PLEKHG4B: variants seen among roughly 807,000 people sequenced by gnomAD.
The protein encoded by PLEKHG4B is pleckstrin homology and RhoGEF domain containing G4B, also known as pleckstrin homology domain-containing family G member 4B.
Under a neutral mutation model 121.3 loss-of-function variants are expected in PLEKHG4B, and 111 were observed. The observed-to-expected ratio is 0.92, with a 90% CI of 0.78 to 1.07. The LOEUF (loss-of-function observed/expected upper bound fraction) is 1.07, where lower values mean the gene tolerates loss of function less well. Among genes scored for constraint, PLEKHG4B ranks in the 50% least tolerant of loss-of-function variants. The pLI is 0.00. For missense variants in PLEKHG4B, 1,831 were observed against 1,757.8 expected, an observed-to-expected ratio of 1.04 and a Z score of -0.74; for synonymous variants, 738 against 725.0, an observed-to-expected ratio of 1.02 and a Z score of -0.29.
At chr5:102,786 A>G (rs535743514) in intron 1 of PLEKHG4B, among the ~76,000 whole-genome samples, 10 of 152,320 alleles carry the variant, frequency 6.6e-5, no homozygotes, top group Admixed American at 2.0e-4. Context: ...TAACACTAGC[A>G]CTAACACTCC....
At chr5:147,117 C>T (rs753623896) in intron 6 of PLEKHG4B, among the ~76,000 whole-genome samples, 1 of 152,130 alleles carries the variant, frequency 6.6e-6, no homozygotes, top group Non-Finnish European at 1.5e-5. Flanking sequence ...TGAGGTGACT[C>T]CCTGAGGTCA....
rs554412594 is a variant in PLEKHG4B, at chr5:172,541, G to T, written c.4051-356G>T. 3.5e-4 allele frequency among the ~76,000 whole-genome samples: 53 copies of T among 152,268 alleles called. No homozygotes were observed. In the South Asian group the frequency reaches 0.011, roughly 31 times the overall value. On this transcript the variant is annotated intron_variant, in intron 16 of 19. Coordinates refer to ENST00000637938, the MANE Select transcript of PLEKHG4B (RefSeq NM_052909.5). ...AGAAAGTTCCATAAATCGCAACAAG[G>T]TTTACCTTGTGATCTCTGCACGTAT...
intron 2 of PLEKHG4B, among the ~76,000 whole-genome samples, chr5:119,667 G>A (rs558232463): frequency 1.2e-4 from 18 of 152,292 alleles, no homozygotes; most frequent in East Asian, 5.8e-4. Context: ...AGACAGTGCC[G>A]TCCTAAATGA....
chr5:182,354 G>A lies in PLEKHG4B; in HGVS notation c.*31G>A. On this transcript the variant is annotated 3_prime_UTR_variant, in exon 20 of 20. Transcript: ENST00000637938. Reference sequence around the variant, plus strand: ...GTCAGGGTGGCAGTGCCCATCATGTGGCTAGAACAATACAGAGGGAGCAGC... The same window carrying A: ...GTCAGGGTGGCAGTGCCCATCATGTAGCTAGAACAATACAGAGGGAGCAGC... 1 of 1,554,076 alleles carries A rather than the reference G, an allele frequency of 6.4e-7. No homozygotes were observed. Among genetic ancestry groups the A allele is most frequent in the Non-Finnish European group, 8.7e-7 (1 of 1,152,638 alleles).
intron 18 of PLEKHG4B, among the ~76,000 whole-genome samples, chr5:177,626 G>T (rs887956424): frequency 1.5e-4 from 23 of 152,214 alleles, no homozygotes; most frequent in African/African-American, 4.6e-4. Context: ...GCAAGTTTCA[G>T]AGCAGGAGTG....
At chr5:181,944 G>A (rs375258024) in intron 19 of PLEKHG4B, 60 bp from the exon 20 acceptor site, 72 of 1,552,594 alleles carry the variant, frequency 4.6e-5, no homozygotes, top group African/African-American at 3.4e-4. Context: ...TCCCATTCCC[G>A]AACCTGGGCT....
chr5:162,954 C>T lies in PLEKHG4B; in HGVS notation c.2882C>T (p.Ala961Val), dbSNP rs940795391. 1.3e-6 allele frequency: 2 copies of T among 1,558,050 alleles called. No homozygotes were observed. Among genetic ancestry groups the T allele is most frequent in the African/African-American group, 2.7e-5 (2 of 73,452 alleles). ...RLRLEEALSE[A>V]APDPSLPPLA... ...CGTCTGGAAGAGGCCCTTTCTGAGG[C>T]TGCCCCAGACCCCAGCTTACCGCCC... Residue 961 changes from alanine (A) to valine (V), a missense_variant, in exon 13 of 20, where the codon GCT (alanine) becomes GTT (valine). Ala to Val is a moderately conservative substitution (Grantham distance 64). Coordinates refer to ENST00000637938, the MANE Select transcript of PLEKHG4B (RefSeq NM_052909.5).
At chr5:100,764 A>G (rs4087021) in intron 1 of PLEKHG4B, among the ~76,000 whole-genome samples, 1 of 102,198 alleles carries the variant, frequency 9.8e-6, no homozygotes, top group African/African-American at 5.5e-5. Flanking sequence ...AAGCCCTGGA[A>G]AAAGCCTGTA....
intron 6 of PLEKHG4B, among the ~76,000 whole-genome samples, chr5:147,542 C>G (rs1315332571): frequency 1.3e-5 from 2 of 152,230 alleles, no homozygotes; most frequent in African/African-American, 2.4e-5. Flanking sequence ...AAAAAGAATA[C>G]ATATGCTTAT....
chr5:133,892 T>A, intron 2 of PLEKHG4B, among the ~76,000 whole-genome samples: 1 of 141,588 alleles, frequency 7.1e-6, no homozygotes, highest in East Asian at 2.0e-4. Context: ...TGCCCACCAA[T>A]CGAGTGGATA....
Position 162,904 on chromosome 5 carries a change from G to T in PLEKHG4B, c.2832G>T (p.Trp944Cys), listed in dbSNP as rs746023035. The T allele has an allele frequency of 1.3e-6, 2 of 1,534,206 alleles. No homozygotes were observed. Among genetic ancestry groups the T allele is most frequent in the Admixed American group, 2.0e-5 (1 of 49,286 alleles). The change falls in exon 13 of 20, where the codon TGG becomes TGT. Residue 944 changes from tryptophan to cysteine, a missense_variant. By Grantham distance (215) the Trp-to-Cys change is radical. Transcript: ENST00000637938. ...GKPWASQQDL[W>C]LQYPQTRLRL... ...CGTGGGCATCACAGCAAGACCTGTG[G>T]CTGCAGTACCCCCAGACCCGGCTCC...
chr5:136,191 A>C (rs1734979825), intron 2 of PLEKHG4B, among the ~76,000 whole-genome samples: 2 of 152,206 alleles, frequency 1.3e-5, no homozygotes, highest in Non-Finnish European at 2.9e-5. Context: ...CAAAGACCTA[A>C]ATGTCAAAAC....
chr5:133,628 AT>A (rs1328220481), intron 2 of PLEKHG4B, among the ~76,000 whole-genome samples: 2 of 152,302 alleles, frequency 1.3e-5, no homozygotes, highest in African/African-American at 2.4e-5. Flanking sequence ...AAATAAAAAA[AT>A]AATAGATGTT....
chr5:164,681 G>T (rs1403520548), intron 13 of PLEKHG4B, among the ~76,000 whole-genome samples: 2 of 66,500 alleles, frequency 3.0e-5, no homozygotes, highest in Non-Finnish European at 7.9e-5. Flanking sequence ...TACTCTGACA[G>T]GGGGCGGAGC....
At chr5:108,897 G>C (rs1176889722) in intron 1 of PLEKHG4B, among the ~76,000 whole-genome samples, 1 of 152,232 alleles carries the variant, frequency 6.6e-6, no homozygotes, top group Non-Finnish European at 1.5e-5. Context: ...AACCAGAGAT[G>C]GGCACGGGTA....
intron 1 of PLEKHG4B, among the ~76,000 whole-genome samples, chr5:98,474 C>G (rs1168358310): frequency 1.0e-4 from 11 of 109,734 alleles, no homozygotes; most frequent in Non-Finnish European, 1.8e-4. Context: ...CTCACTCTGT[C>G]GCCAGGCTGG....
Position 143,250 on chromosome 5 carries a change from C to G in PLEKHG4B, c.1681C>G (p.Leu561Val). 6.2e-7 allele frequency: 1 copy of G among 1,610,094 alleles called. No homozygotes were observed. Among genetic ancestry groups the G allele is most frequent in the Non-Finnish European group, 8.5e-7 (1 of 1,179,960 alleles). The stretch of plus-strand genomic sequence containing the variant: ...GCTGCTGCAGTCCGGGGTCGTCACC[C>G]TCCCAGGTGAGAGCACATGCCAGGC... ...QELLQSGVVT[L>V]PGTRDRHGRA... Residue 561 changes from leucine (L) to valine (V), a missense_variant, in exon 4 of 20, where the codon CTC becomes GTC. By Grantham distance (32) the Leu-to-Val change is conservative. Transcript: ENST00000637938.
At position 156,118 on chromosome 5, in the gene PLEKHG4B, C is replaced by T. The variant is rs148583178; in HGVS notation, c.2256C>T (p.Val752=). 19 of 1,599,640 alleles carry T rather than the reference C, an allele frequency of 1.2e-5. No individual in the cohort carries two copies. The highest frequency in any genetic ancestry group is 1.4e-5 in the Non-Finnish European group (17 of 1,173,096). The change falls in exon 10 of 20, where the codon GTC becomes GTT. Residue 752 remains valine, a synonymous_variant. Coordinates refer to ENST00000637938, the MANE Select transcript of PLEKHG4B (RefSeq NM_052909.5). This position sits in a 1 kb window ranked among gnomAD's most constrained non-coding sequence, Gnocchi z 4.4. ...AGCATGAGACGATGATGAAGCTTGT[C>T]CTGGAAGACCCACTGCTTGTGTCTC... ...IDQHETMMKL[V]LEDPLLVSLR... is the part of the protein sequence containing the mutation.
chr5:163,040 C>G lies in PLEKHG4B; in HGVS notation c.2968C>G (p.Pro990Ala). The change falls in exon 13 of 20, where the codon CCA becomes GCA. Residue 990 changes from proline (P) to alanine (A), a missense_variant. Pro to Ala is a conservative substitution (Grantham distance 27, BLOSUM62 -1). Transcript: ENST00000637938. ...AQEAMRRHQK[P>A]PSFPSTDSGG... ...GGAGGCCATGAGGAGGCACCAGAAG[C>G]CACCCTCATTCCCCAGCACGGACAG... The G allele has an allele frequency of 6.4e-7, 1 of 1,560,952 alleles. No homozygotes were observed. The highest frequency in any genetic ancestry group is 1.4e-5 in the African/African-American group (1 of 73,618).
Sources: allele counts gnomAD v4.1 joint callset (sites outside exome capture counted in the v4.1 genomes callset), GRCh38; gene constraint gnomAD v4.1.1; non-coding constraint Gnocchi (gnomAD v3.1); transcripts MANE v1.5; gene names NCBI Gene and HGNC (gene_info 2026-07-23, HGNC 2026-07-21).